GNB1L: variants seen among roughly 807,000 people sequenced by gnomAD.
GNB1L encodes G protein subunit beta 1 like.
Under a neutral mutation model 29.1 loss-of-function variants are expected in GNB1L, and 20 were observed. The observed-to-expected ratio is 0.69, with a 90% CI of 0.48 to 1.00. GNB1L has a LOEUF of 1.00. Ranked by LOEUF, GNB1L falls within the 50% of genes least tolerant of loss-of-function variation. The pLI is 0.00. For missense variants in GNB1L, 421 were observed against 464.9 expected, an observed-to-expected ratio of 0.91 and a Z score of 0.87; for synonymous variants, 193 against 206.5, an observed-to-expected ratio of 0.93 and a Z score of 0.56.
intron 2 of GNB1L, among the ~76,000 whole-genome samples, chr22:19,831,981 TA>T (rs1937687195): frequency 6.6e-6 from 1 of 152,184 alleles, no homozygotes; most frequent in African/African-American, 2.4e-5. Context: ...GTAAGCTCAT[TA>T]CAGCCTCTCT....
intron 2 of GNB1L, among the ~76,000 whole-genome samples, chr22:19,844,544 T>C (rs1245770154): frequency 1.3e-5 from 2 of 152,202 alleles, no homozygotes; most frequent in Admixed American, 1.3e-4. Flanking sequence ...TCCTTTGCAC[T>C]GGGACACGGG....
intron 2 of GNB1L, 87 bp from the exon 3 acceptor site, chr22:19,821,462 G>T: frequency 7.6e-7 from 1 of 1,307,922 alleles, no homozygotes; most frequent in Non-Finnish European, 1.1e-6. Flanking sequence ...TGCTTGAGAT[G>T]TTGCCCCTGC....
chr22:19,835,655 C>T (rs1431238705), intron 2 of GNB1L, among the ~76,000 whole-genome samples: 4 of 151,214 alleles, frequency 2.6e-5, no homozygotes, highest in African/African-American at 9.7e-5. Context: ...GCCTGGGCGA[C>T]AGAGCGAGAC....
chr22:19,799,540 G>A (rs868744224), intron 7 of GNB1L, among the ~76,000 whole-genome samples: 4 of 152,250 alleles, frequency 2.6e-5, no homozygotes, highest in African/African-American at 7.2e-5. Context: ...GTGGTGCGGC[G>A]AAGCCACCAT....
chr22:19,847,776 A>G, intron 2 of GNB1L: 4 of 942,004 alleles, frequency 4.2e-6, no homozygotes, highest in Non-Finnish European at 3.8e-6. Context: ...CTGGGCATCT[A>G]AAACTTTTAA....
At chr22:19,814,624 C>T (rs1042453039) in intron 4 of GNB1L, among the ~76,000 whole-genome samples, 3 of 152,188 alleles carry the variant, frequency 2.0e-5, no homozygotes, top group East Asian at 1.9e-4. Context: ...GCATGGACTC[C>T]GGGATGACAG....
chr22:19,808,717 C>T (rs1009518773), intron 5 of GNB1L, among the ~76,000 whole-genome samples: 4 of 152,234 alleles, frequency 2.6e-5, no homozygotes, highest in Admixed American at 6.5e-5. Flanking sequence ...ACAGCAACTC[C>T]GGGACAGGGT....
At chr22:19,819,382 G>A (rs964666764) in intron 4 of GNB1L, among the ~76,000 whole-genome samples, 2 of 152,214 alleles carry the variant, frequency 1.3e-5, no homozygotes, top group African/African-American at 4.8e-5. Context: ...ACTGGGACCT[G>A]GGCCCATGGG....
At chr22:19,820,296 G>T (rs567595477) in intron 4 of GNB1L, among the ~76,000 whole-genome samples, 3 of 152,230 alleles carry the variant, frequency 2.0e-5, no homozygotes, top group African/African-American at 7.2e-5. Context: ...ACCAACTTGC[G>T]CCTGGGCTCA....
chr22:19,847,780 C>G, intron 2 of GNB1L: 1 of 610,220 alleles, frequency 1.6e-6, no homozygotes. Context: ...GCATCTAAAA[C>G]TTTTAAAATC....
At chr22:19,835,373 TAAAAAAAAA>T (rs34652133) in intron 2 of GNB1L, among the ~76,000 whole-genome samples, 90 of 136,312 alleles carry the variant, frequency 6.6e-4, no homozygotes, top group African/African-American at 2.3e-3. Flanking sequence ...CTTAAAAATG[TAAAAAAAAA>T]AAAAAACAAA....
chr22:19,810,457 C>CGGG (rs971786698), intron 5 of GNB1L, among the ~76,000 whole-genome samples: 1 of 152,074 alleles, frequency 6.6e-6, no homozygotes, highest in African/African-American at 2.4e-5. Context: ...CAGGAGGGAG[C>CGGG]GGGGGTGGCG....
chr22:19,844,962 G>C (rs76915257), intron 2 of GNB1L, among the ~76,000 whole-genome samples: 2,235 of 152,344 alleles, frequency 0.015, 60 homozygotes, highest in African/African-American at 0.051. Flanking sequence ...GTGCAGGATG[G>C]GGACCAATCC....
intron 2 of GNB1L, among the ~76,000 whole-genome samples, chr22:19,827,740 A>C (rs1263339608): frequency 6.6e-6 from 1 of 152,232 alleles, no homozygotes; most frequent in East Asian, 1.9e-4. Flanking sequence ...CCATGCTAGA[A>C]GGAGCGCACA....
At chr22:19,850,877 C>T (rs1265261984) in intron 2 of GNB1L, 3 of 1,328,030 alleles carry the variant, frequency 2.3e-6, no homozygotes, top group Non-Finnish European at 1.9e-6. Flanking sequence ...ATCTACAAAA[C>T]GACCCCCTCG....
Position 19,820,718 on chromosome 22 carries a change from T to C in GNB1L, c.134A>G (p.Gln45Arg). 6.2e-7 allele frequency: 1 copy of C among 1,610,630 alleles called. No individual in the cohort carries two copies. The highest frequency in any genetic ancestry group is 8.5e-7 in the Non-Finnish European group (1 of 1,177,490). Residue 45 changes from glutamine to arginine, a missense_variant, in exon 4 of 8, where the codon CAG becomes CGG. Gln to Arg is a conservative substitution (Grantham distance 43). Coordinates refer to ENST00000329517, the MANE Select transcript of GNB1L (RefSeq NM_053004.3). ...QGRPLLFSGS[Q>R]SGLVHIWSLQ... The stretch of plus-strand genomic sequence containing the variant: ...GCTCCAGATGTGTACCAGGCCACTC[T>C]GAGACCTGTTTCAGACAAGCCGAGC...
intron 4 of GNB1L, among the ~76,000 whole-genome samples, chr22:19,814,217 G>T (rs1040272878): frequency 1.4e-4 from 22 of 152,170 alleles, no homozygotes; most frequent in African/African-American, 5.1e-4. Context: ...TGCCATGGCT[G>T]GGAGGGATGA....
intron 7 of GNB1L, among the ~76,000 whole-genome samples, chr22:19,793,399 A>C (rs1047716358): frequency 6.6e-6 from 1 of 152,162 alleles, no homozygotes. Context: ...CAATCTGAAG[A>C]GAGAAAAAAC....
intron 1 of GNB1L, 131 bp downstream of exon 1, chr22:19,854,688 CA>C (rs1238176506): frequency 6.6e-6 from 1 of 152,600 alleles, no homozygotes; most frequent in Non-Finnish European, 1.5e-5. Flanking sequence ...AGACCGAAGG[CA>C]CTGCGACCCA....
Sources: allele counts gnomAD v4.1 joint callset (sites outside exome capture counted in the v4.1 genomes callset), GRCh38; gene constraint gnomAD v4.1.1; transcripts MANE v1.5; gene names NCBI Gene and HGNC (gene_info 2026-07-23, HGNC 2026-07-21).